Variants in ARAP2 observed in about 807,000 individuals in gnomAD.
ARAP2 encodes arf-GAP with Rho-GAP domain, ANK repeat and PH domain-containing protein 2.
Under a neutral mutation model 194.5 loss-of-function variants are expected in ARAP2, and 148 were observed. The ratio of observed to expected loss-of-function variants is 0.76; its 90% CI spans 0.67 to 0.87. ARAP2 has a LOEUF of 0.87. ARAP2 is among the 40% of genes least tolerant of loss of function. The pLI is 0.00. For missense variants in ARAP2, 2,128 were observed against 1,989.7 expected (o/e 1.07, Z -1.32); for synonymous variants, 695 against 683.5 (o/e 1.02, Z -0.26).
chr4:36,119,841 C>A (rs917955243), intron 23 of ARAP2, 123 bp from the exon 24 acceptor site: 2 of 613,446 alleles, frequency 3.3e-6, no homozygotes, highest in African/African-American at 1.8e-5. Context: ...GAATGGCCAT[C>A]GGAATCAATA....
At chr4:36,152,739 T>C (rs1424592239) in intron 15 of ARAP2, among the ~76,000 whole-genome samples, 2 of 152,066 alleles carry the variant, frequency 1.3e-5, no homozygotes, top group East Asian at 3.9e-4. Flanking sequence ...GCCATGTTTC[T>C]AAAGTAGCAA....
At chr4:36,041,318 TAAAC>T (rs1720835169) in intron 5 of ARAP2, among the ~76,000 whole-genome samples, 1 of 151,988 alleles carries the variant, frequency 6.6e-6, no homozygotes, top group African/African-American at 2.4e-5. Flanking sequence ...ATAAAAAGCT[TAAAC>T]AAATTTACAA....
chr4:36,070,150 TATAA>T (rs1726486849), intron 32 of ARAP2, among the ~76,000 whole-genome samples: 1 of 152,302 alleles, frequency 6.6e-6, no homozygotes, highest in African/African-American at 2.4e-5. Flanking sequence ...CTAATACATC[TATAA>T]TATTAGCCTA....
At chr4:36,164,074 A>G (rs1397802569) in intron 11 of ARAP2, among the ~76,000 whole-genome samples, 1 of 152,190 alleles carries the variant, frequency 6.6e-6, no homozygotes, top group Non-Finnish European at 1.5e-5. Context: ...ACTCTAGTCC[A>G]ACATTTGTCT....
rs777117949 is a variant in ARAP2, at chr4:36,210,562, T to C, written c.1315A>G (p.Lys439Glu). The part of the protein sequence containing the change: ...NSKASKSRTQ[K>E]ALILDSVNRH... ...TTAACGGAGTCCAAAATCAAGGCTT[T>C]TTGAGTCCTAGATTTAGATGCCTTT... is the stretch of plus-strand genomic sequence containing the variant. The change falls in exon 6 of 33, where the codon AAA becomes GAA. Residue 439 changes from lysine to glutamate, a missense_variant. Transcript: ENST00000303965. 4 of 1,613,946 alleles carry C rather than the reference T, an allele frequency of 2.5e-6. No homozygotes were observed. The highest frequency in any genetic ancestry group is 2.5e-6 in the Non-Finnish European group (3 of 1,179,872).
intron 28 of ARAP2, among the ~76,000 whole-genome samples, chr4:36,087,181 C>T (rs938057136): frequency 7.2e-5 from 11 of 151,964 alleles, no homozygotes; most frequent in African/African-American, 1.4e-4. Flanking sequence ...AAGTTAACAT[C>T]GCCAATGGCT....
intron 16 of ARAP2, 102 bp downstream of exon 16, chr4:36,150,798 T>C: frequency 7.7e-7 from 1 of 1,301,210 alleles, no homozygotes; most frequent in South Asian, 1.4e-5. Flanking sequence ...AACCCTTCTA[T>C]TAGAAGCAAC....
At position 36,130,847 on chromosome 4, in the gene ARAP2, C is replaced by T. The variant is rs756545811; in HGVS notation, c.3428-2102G>A. 2.6e-5 allele frequency among the ~76,000 whole-genome samples: 4 copies of T among 151,872 alleles called. No homozygotes were observed. In the East Asian group the frequency reaches 5.8e-4, roughly 22 times the overall value. On this transcript the variant is annotated intron_variant, in intron 20 of 32. Transcript: ENST00000303965. ...TCTACAAACATCAATGCTGACTAAG[C>T]GTTTGAGATAGTATATCCCCAGCTG...
intron 7 of ARAP2, 50 bp from the exon 8 acceptor site, chr4:36,187,621 G>C: frequency 2.1e-6 from 3 of 1,456,908 alleles, no homozygotes; most frequent in East Asian, 2.5e-5. Flanking sequence ...AAATTCTCTT[G>C]ATCTTATCAA....
intron 6 of ARAP2, among the ~76,000 whole-genome samples, chr4:36,017,505 G>A (rs764697771): frequency 1.2e-4 from 15 of 129,924 alleles, no homozygotes; most frequent in Non-Finnish European, 2.0e-4. Flanking sequence ...TACAAAAAAT[G>A]GTGATCAGAG....
chr4:36,216,404 C>A (rs1747951144), intron 2 of ARAP2, among the ~76,000 whole-genome samples: 1 of 152,124 alleles, frequency 6.6e-6, no homozygotes, highest in South Asian at 2.1e-4. Flanking sequence ...ATAATTAGAA[C>A]ATTTAAGTAA....
In ARAP2 at chr4:36,160,490, A is replaced by G. The variant is rs375168194; in HGVS notation, c.2411T>C (p.Leu804Ser). ...TAATTCTTCTTTGGTGAGAGATGCCAAAAGAGTTTTTCTGAATTTTCCTTC... is the reference window on the plus strand; with the variant it reads ...TAATTCTTCTTTGGTGAGAGATGCCGAAAGAGTTTTTCTGAATTTTCCTTC... Reference protein sequence around the residue: ...YKEGKFRKTLLASLTKEELNK... With the variant: ...YKEGKFRKTLSASLTKEELNK... The change falls in exon 13 of 33, where the codon TTG becomes TCG. Residue 804 changes from leucine (L) to serine (S), a missense_variant. Leu to Ser is a moderately radical substitution (Grantham distance 145). Transcript: ENST00000303965. 95 of 1,566,782 alleles carry G rather than the reference A, an allele frequency of 6.1e-5. No individual in the cohort carries two copies. Among genetic ancestry groups the G allele is most frequent in the Middle Eastern group, 4.2e-4 (2 of 4,772 alleles).
intron 32 of ARAP2, 58 bp from the exon 33 acceptor site, chr4:36,068,336 G>T: frequency 6.7e-7 from 1 of 1,483,012 alleles, no homozygotes. Context: ...TTTAGGTTTA[G>T]AAAGTGCAAT....
chr4:36,032,853 T>C (rs1396462599), intron 5 of ARAP2, among the ~76,000 whole-genome samples: 3 of 152,158 alleles, frequency 2.0e-5, no homozygotes, highest in Non-Finnish European at 2.9e-5. Flanking sequence ...TAGGCGCCAG[T>C]GTCTGTTGTT....
intron 1 of ARAP2, among the ~76,000 whole-genome samples, chr4:36,060,437 C>T (rs1025872086): frequency 1.3e-5 from 2 of 152,076 alleles, no homozygotes; most frequent in African/African-American, 4.8e-5. Flanking sequence ...ACATGTCTTT[C>T]TTTTCCTCCA....
chr4:36,126,225 A>T (rs925262501), intron 21 of ARAP2, among the ~76,000 whole-genome samples: 2 of 151,992 alleles, frequency 1.3e-5, no homozygotes, highest in East Asian at 1.9e-4. Context: ...TAATGCAAAC[A>T]TTTATCCTCG....
intron 6 of ARAP2, among the ~76,000 whole-genome samples, chr4:36,200,235 CTTT>C (rs11330775): frequency 6.6e-6 from 1 of 151,554 alleles, no homozygotes; most frequent in Non-Finnish European, 1.5e-5. Context: ...GCACTATTCC[CTTT>C]TTTTATTTTT....
At chr4:36,230,539 T>C (rs1751244514) in intron 1 of ARAP2, among the ~76,000 whole-genome samples, 1 of 152,224 alleles carries the variant, frequency 6.6e-6, no homozygotes, top group Non-Finnish European at 1.5e-5. Flanking sequence ...CCAATGTACA[T>C]AGCAGATTCA....
At chr4:36,114,379 G>A (rs1295590035) in intron 25 of ARAP2, 92 bp from the exon 26 acceptor site, 2 of 765,770 alleles carry the variant, frequency 2.6e-6, no homozygotes, top group East Asian at 2.7e-5. Context: ...ACCATTTAAT[G>A]ATATCTTGAA....
Sources: gnomAD v4.1 joint callset for allele counts (sites outside exome capture counted in the v4.1 genomes callset) on GRCh38, gnomAD v4.1.1 for gene constraint, MANE v1.5 for transcripts, NCBI Gene and HGNC (gene_info 2026-07-23, HGNC 2026-07-21) for gene names.